NAV2: variants seen among roughly 807,000 people sequenced by gnomAD.
The protein encoded by NAV2 is helicase, APC down-regulated 1.
Under a neutral mutation model 223.2 loss-of-function variants are expected in NAV2, and 54 were observed. That is an observed-to-expected ratio of 0.24 (90% confidence interval 0.19 to 0.30). The LOEUF (loss-of-function observed/expected upper bound fraction) is 0.30. NAV2 is among the 10% of genes least tolerant of loss of function. The pLI is 1.00. For missense variants in NAV2, 2,806 were observed against 3,147.5 expected (o/e 0.89, Z 2.60); for synonymous variants, 1,279 against 1,239.3 (o/e 1.03, Z -0.67).
intron 1 of NAV2, among the ~76,000 whole-genome samples, chr11:19,532,863 G>A (rs1440566556): frequency 1.3e-5 from 2 of 152,214 alleles, no homozygotes; most frequent in Non-Finnish European, 2.9e-5. Context: ...TCATGGGAAT[G>A]GAGTGTTCCT....
At chr11:19,967,614 G>A (rs2153421897) in intron 10 of NAV2, among the ~76,000 whole-genome samples, 1 of 152,154 alleles carries the variant, frequency 6.6e-6, no homozygotes, top group South Asian at 2.1e-4. Flanking sequence ...GGAAAAATGT[G>A]CCCAAAAGTA....
At chr11:19,658,646 GC>G (rs2048190193) in intron 1 of NAV2, among the ~76,000 whole-genome samples, 1 of 152,148 alleles carries the variant, frequency 6.6e-6, no homozygotes, top group Non-Finnish European at 1.5e-5. Flanking sequence ...ATCTGGGTGA[GC>G]CCCAGCAGTA....
At chr11:19,641,089 A>G (rs900365122) in intron 1 of NAV2, among the ~76,000 whole-genome samples, 2 of 152,184 alleles carry the variant, frequency 1.3e-5, no homozygotes, top group African/African-American at 4.8e-5. Flanking sequence ...GTTGCTGTCC[A>G]TCGCACTCTG....
intron 11 of NAV2, among the ~76,000 whole-genome samples, chr11:20,018,659 T>C (rs1376757458): frequency 2.0e-5 from 3 of 152,140 alleles, no homozygotes; most frequent in Non-Finnish European, 2.9e-5. Context: ...TCAGCAGTGA[T>C]TTAGGCACTG....
intron 1 of NAV2, among the ~76,000 whole-genome samples, chr11:19,776,681 G>A (rs1248656934): frequency 2.7e-5 from 2 of 75,328 alleles, no homozygotes; most frequent in Non-Finnish European, 7.4e-5. Flanking sequence ...TGTGTGGTTA[G>A]AGTTGTGGGG....
At chr11:19,355,186 G>A (rs1853548350) in intron 1 of NAV2, among the ~76,000 whole-genome samples, 1 of 151,422 alleles carries the variant, frequency 6.6e-6, no homozygotes, top group Non-Finnish European at 1.5e-5. Context: ...TTCTTTAGAA[G>A]TTTGTCCTTC....
At chr11:19,455,204 T>C (rs751374665) in intron 1 of NAV2, among the ~76,000 whole-genome samples, 4 of 152,126 alleles carry the variant, frequency 2.6e-5, no homozygotes, top group African/African-American at 4.8e-5. Context: ...CTAAGTGCAA[T>C]TGGAAGACAC....
intron 1 of NAV2, among the ~76,000 whole-genome samples, chr11:19,754,172 G>A (rs1018262841): frequency 1.3e-5 from 2 of 152,152 alleles, no homozygotes; most frequent in East Asian, 3.8e-4. Context: ...GCTTTTCAAT[G>A]CCCTTCCTCC....
At chr11:20,078,734 G>A (rs1423619776) in intron 24 of NAV2, among the ~76,000 whole-genome samples, 7 of 152,176 alleles carry the variant, frequency 4.6e-5, no homozygotes, top group Non-Finnish European at 8.8e-5. Context: ...CTAGGATTAC[G>A]AGCATGAGCC....
intron 1 of NAV2, among the ~76,000 whole-genome samples, chr11:19,402,889 G>T (rs1215977378): frequency 6.6e-6 from 1 of 152,192 alleles, no homozygotes; most frequent in Non-Finnish European, 1.5e-5. Context: ...AAAGAACATA[G>T]AGATAAGAGG....
chr11:19,857,303 A>AC (rs2061461834), intron 3 of NAV2, among the ~76,000 whole-genome samples: 1 of 152,186 alleles, frequency 6.6e-6, no homozygotes, highest in East Asian at 1.9e-4. Flanking sequence ...AACAATCCAG[A>AC]CCTCTTTAAA....
At chr11:19,354,959 A>T (rs1853531346) in intron 1 of NAV2, among the ~76,000 whole-genome samples, 1 of 152,208 alleles carries the variant, frequency 6.6e-6, no homozygotes, top group African/African-American at 2.4e-5. Context: ...GTAGCTCTCT[A>T]TGCATCCCTA....
intron 1 of NAV2, among the ~76,000 whole-genome samples, chr11:19,666,134 A>G (rs2048403873): frequency 6.6e-6 from 1 of 152,244 alleles, no homozygotes; most frequent in African/African-American, 2.4e-5. Context: ...TTCAAATAAC[A>G]AAGAATCAGT....
chr11:19,664,986 G>A (rs79346568), intron 1 of NAV2, among the ~76,000 whole-genome samples: 1 of 152,176 alleles, frequency 6.6e-6, no homozygotes, highest in Non-Finnish European at 1.5e-5. Flanking sequence ...ACAGCTGATG[G>A]GTAAGTAGCA....
chr11:19,577,306 G>T (rs1379694872), intron 1 of NAV2, among the ~76,000 whole-genome samples: 1 of 152,254 alleles, frequency 6.6e-6, no homozygotes, highest in African/African-American at 2.4e-5. Flanking sequence ...TCATGGGGCT[G>T]CTTTTCAGAT....
rs562699971 is a variant in NAV2, at chr11:19,927,059, C to A, written c.932-6117C>A. On this transcript the variant is annotated intron_variant, in intron 6 of 37. Transcript: ENST00000349880. Reference sequence around the variant, plus strand: ...TGTCAGGGAAGGTTAAGGCTGGTTGCCAGAAAAACCAAACCAAACTTTTTC... The same window carrying A: ...TGTCAGGGAAGGTTAAGGCTGGTTGACAGAAAAACCAAACCAAACTTTTTC... Among the ~76,000 whole-genome samples, 282 of 152,314 alleles carry A rather than the reference C, an allele frequency of 1.9e-3. 1 individual carries two copies. The highest frequency in any genetic ancestry group is 3.4e-3 in the Middle Eastern group (1 of 294).
At chr11:19,465,273 G>GC (rs533534763) in intron 1 of NAV2, among the ~76,000 whole-genome samples, 3 of 152,190 alleles carry the variant, frequency 2.0e-5, no homozygotes, top group Admixed American at 6.5e-5. Flanking sequence ...AGAAAAGACA[G>GC]CCCCCTGCTA....
intron 1 of NAV2, among the ~76,000 whole-genome samples, chr11:19,372,795 G>A (rs372173832): frequency 1.1e-4 from 16 of 152,336 alleles, no homozygotes; most frequent in African/African-American, 3.8e-4. Context: ...GGCCCCATCA[G>A]CACTACGCTC....
chr11:19,584,466 A>G (rs1442039796), intron 1 of NAV2, among the ~76,000 whole-genome samples: 4 of 151,694 alleles, frequency 2.6e-5, no homozygotes, highest in Admixed American at 6.6e-5. Flanking sequence ...TTTCATTTTG[A>G]TGTTAGGTTG....
Sources: allele counts gnomAD v4.1 joint callset (sites outside exome capture counted in the v4.1 genomes callset), GRCh38; gene constraint gnomAD v4.1.1; transcripts MANE v1.5; gene names NCBI Gene and HGNC (gene_info 2026-07-23, HGNC 2026-07-21).